The following SSBP2 variants were observed in gnomAD, a reference collection of about 807,000 sequenced individuals.
SSBP2 encodes the protein single stranded DNA binding protein 2, also known as single-stranded DNA-binding protein 2.
Under a neutral mutation model 61.8 loss-of-function variants are expected in SSBP2, and 17 were observed. That is an observed-to-expected ratio of 0.28 (90% CI 0.19 to 0.41). The LOEUF is 0.41. Ranked by LOEUF, SSBP2 falls within the 10% of genes least tolerant of loss-of-function variation. The pLI, the probability that SSBP2 is intolerant of heterozygous loss-of-function variation, is 1.00. For synonymous variants in SSBP2, 139 were observed against 141.3 expected, an observed-to-expected ratio of 0.98 and a Z score of 0.12; for missense variants, 310 against 458.7, an observed-to-expected ratio of 0.68 and a Z score of 2.96.
At chr5:81,549,775 T>G (rs553492295) in intron 4 of SSBP2, among the ~76,000 whole-genome samples, 137 of 152,294 alleles carry the variant, frequency 9.0e-4, no homozygotes, top group African/African-American at 3.2e-3. Context: ...ATATATACAA[T>G]TTGCTATGTT....
chr5:81,594,544 T>G (rs1743503943), intron 4 of SSBP2, among the ~76,000 whole-genome samples: 1 of 152,184 alleles, frequency 6.6e-6, no homozygotes, highest in African/African-American at 2.4e-5. Context: ...TATACATTCT[T>G]TTCAGCACCA....
At chr5:81,436,579 C>T (rs1762688488) in intron 15 of SSBP2, among the ~76,000 whole-genome samples, 1 of 151,830 alleles carries the variant, frequency 6.6e-6, no homozygotes, top group South Asian at 2.1e-4. Context: ...TTCTTGGCAG[C>T]AGGAATTTTA....
At chr5:81,650,193 A>C (rs1749606393) in intron 2 of SSBP2, 74 bp downstream of exon 2, 1 of 1,102,228 alleles carries the variant, frequency 9.1e-7, no homozygotes, top group African/African-American at 1.6e-5. Flanking sequence ...ACTTTTTTCA[A>C]ATAATTATTA....
chr5:81,545,498 G>A (rs1444486446), intron 4 of SSBP2, among the ~76,000 whole-genome samples: 1 of 152,158 alleles, frequency 6.6e-6, no homozygotes, highest in Non-Finnish European at 1.5e-5. Context: ...AATAAAGTCT[G>A]AAACTATCAC....
At chr5:81,731,800 A>G (rs1194559705) in intron 1 of SSBP2, among the ~76,000 whole-genome samples, 1 of 150,928 alleles carries the variant, frequency 6.6e-6, no homozygotes, top group Non-Finnish European at 1.5e-5. Context: ...CCCAAACAGA[A>G]TTGTCTTTTA....
intron 4 of SSBP2, among the ~76,000 whole-genome samples, chr5:81,600,089 A>G (rs1217519657): frequency 6.6e-6 from 1 of 152,210 alleles, no homozygotes; most frequent in Admixed American, 6.5e-5. Flanking sequence ...CAAATTTTTA[A>G]AAGACGGTGA....
At position 81,631,087 on chromosome 5, in the gene SSBP2, A is replaced by C. The variant is rs184216735; in HGVS notation, c.197+5470T>G. On this transcript the variant is annotated intron_variant, in intron 3 of 16. Transcript: ENST00000320672. ...TTGACAGGCTAGATCTGGATATCAT[A>C]AATACTATATAAAAAGAAAATTTGA... 3.1e-3 allele frequency among the ~76,000 whole-genome samples: 471 copies of C among 152,316 alleles called. 3 individuals carry two copies. The highest frequency in any genetic ancestry group is 0.011 in the African/African-American group (450 of 41,584).
intron 8 of SSBP2, among the ~76,000 whole-genome samples, chr5:81,472,460 A>C (rs1228885953): frequency 3.9e-5 from 6 of 152,162 alleles, no homozygotes; most frequent in African/African-American, 1.4e-4. Context: ...GTTTATTTCT[A>C]AATGGTTTTC....
intron 4 of SSBP2, among the ~76,000 whole-genome samples, chr5:81,517,370 GTTTT>G (rs199949045): frequency 8.2e-6 from 1 of 122,084 alleles, no homozygotes. Context: ...TAAATTTCAA[GTTTT>G]TTTTTTTTTT....
chr5:81,746,400 T>C (rs558080513), intron 1 of SSBP2, among the ~76,000 whole-genome samples: 1 of 152,236 alleles, frequency 6.6e-6, no homozygotes, highest in African/African-American at 2.4e-5. Context: ...GTTTTGGAAA[T>C]CCTGAATTGT....
intron 1 of SSBP2, among the ~76,000 whole-genome samples, chr5:81,697,613 A>T (rs1368480156): frequency 6.6e-6 from 1 of 152,250 alleles, no homozygotes; most frequent in Non-Finnish European, 1.5e-5. Context: ...TATGATTACC[A>T]GCCCAAATAT....
Position 81,460,964 on chromosome 5 carries a change from T to C in SSBP2, c.687+91A>G, listed in dbSNP as rs184013529. 4,318 of 741,542 alleles carry C rather than the reference T, an allele frequency of 5.8e-3. 13 individuals are homozygous for C. Among genetic ancestry groups the C allele is most frequent in the Non-Finnish European group, 6.6e-3 (3,378 of 514,730 alleles). 45.9% of individuals were successfully genotyped at this position (741,542 alleles called of 1,614,324 possible). On this transcript the variant is annotated intron_variant, in intron 10 of 16. Transcript: ENST00000320672. ...CTTAAAAAAGGGTTACTACAACCAA[T>C]TGCAAAGCTTTCAAAAGCAAAATGT...
intron 10 of SSBP2, among the ~76,000 whole-genome samples, chr5:81,449,658 C>T (rs907232390): frequency 3.9e-5 from 6 of 152,066 alleles, no homozygotes; most frequent in African/African-American, 1.4e-4. Flanking sequence ...TAATTAAACA[C>T]AAAAATAATA....
At chr5:81,677,320 T>C (rs1427608163) in intron 1 of SSBP2, among the ~76,000 whole-genome samples, 1 of 152,074 alleles carries the variant, frequency 6.6e-6, no homozygotes, top group East Asian at 1.9e-4. Flanking sequence ...ATAAAATAAG[T>C]GAGGTCACAG....
chr5:81,745,775 T>C (rs1757317402), intron 1 of SSBP2, among the ~76,000 whole-genome samples: 2 of 152,110 alleles, frequency 1.3e-5, no homozygotes, highest in South Asian at 2.1e-4. Context: ...GTGATTTCTA[T>C]GGAAGAAAGA....
chr5:81,675,105 T>G (rs1327853787), intron 1 of SSBP2, among the ~76,000 whole-genome samples: 1 of 152,086 alleles, frequency 6.6e-6, no homozygotes, highest in Non-Finnish European at 1.5e-5. Context: ...CTTAATAAGG[T>G]ATTCTCTTCC....
chr5:81,684,305 A>G (rs1290257628), intron 1 of SSBP2, among the ~76,000 whole-genome samples: 1 of 152,220 alleles, frequency 6.6e-6, no homozygotes, highest in African/African-American at 2.4e-5. Context: ...ACACAGAGGA[A>G]ACTTAAACAC....
intron 1 of SSBP2, among the ~76,000 whole-genome samples, chr5:81,669,287 A>G (rs950254054): frequency 1.2e-4 from 18 of 152,212 alleles, no homozygotes; most frequent in Admixed American, 1.2e-3. Flanking sequence ...TTTCTTACAA[A>G]GCTAAACATA....
intron 4 of SSBP2, among the ~76,000 whole-genome samples, chr5:81,561,482 T>C (rs1023105624): frequency 3.9e-5 from 6 of 152,184 alleles, no homozygotes; most frequent in Non-Finnish European, 8.8e-5. Flanking sequence ...TCAGGTTATA[T>C]GTACCACGAA....
Sources: gnomAD v4.1 joint callset for allele counts (sites outside exome capture counted in the v4.1 genomes callset) on GRCh38, gnomAD v4.1.1 for gene constraint, MANE v1.5 for transcripts, NCBI Gene and HGNC (gene_info 2026-07-23, HGNC 2026-07-21) for gene names.